PTPRN2: variants seen among roughly 807,000 people sequenced by gnomAD.
The protein encoded by PTPRN2 is protein tyrosine phosphatase receptor type N2, also known as receptor-type tyrosine-protein phosphatase N2.
In PTPRN2, 74 loss-of-function variants were observed where a neutral mutation model predicts 118.8. The observed-to-expected ratio is 0.62, with a 90% CI of 0.52 to 0.76. The LOEUF (loss-of-function observed/expected upper bound fraction) is 0.76, where lower values mean the gene tolerates loss of function less well. Ranked by LOEUF, PTPRN2 falls within the 30% of genes least tolerant of loss-of-function variation. The pLI is 0.00. For missense variants in PTPRN2, 1,481 were observed against 1,394.4 expected (o/e 1.06, Z -0.99); for synonymous variants, 641 against 608.0 (o/e 1.05, Z -0.80).
At chr7:157,930,840 T>G (rs1799311276) in intron 11 of PTPRN2, among the ~76,000 whole-genome samples, 1 of 152,212 alleles carries the variant, frequency 6.6e-6, no homozygotes, top group African/African-American at 2.4e-5. Flanking sequence ...TGTTAAAAAT[T>G]ATTTTTGGCT....
At chr7:157,790,752 A>AT (rs150025481) in intron 12 of PTPRN2, among the ~76,000 whole-genome samples, 2,844 of 152,100 alleles carry the variant, frequency 0.019, 77 homozygotes, top group South Asian at 0.12. Context: ...AACCTAAGCT[A>AT]TTTTTTTTAA....
rs1261623739 is a variant in PTPRN2, at chr7:157,611,055, C to T, written c.2345-6980G>A. The stretch of plus-strand genomic sequence containing the variant: ...TGCCCCACCCACCACTCAGGAGGCA[C>T]GCTGCCCACCGCTGAGCTGAATAAC... On this transcript the variant is annotated intron_variant, in intron 15 of 22. Transcript: ENST00000389418. The surrounding 1 kb of genome is among the most constrained non-coding windows in gnomAD (Gnocchi z 5.9). Among the ~76,000 whole-genome samples, 4 of 152,186 alleles carry T rather than the reference C, an allele frequency of 2.6e-5. 1 individual carries two copies. Among genetic ancestry groups the T allele is most frequent in the Admixed American group, 1.3e-4 (2 of 15,280 alleles).
intron 4 of PTPRN2, among the ~76,000 whole-genome samples, chr7:158,193,905 CA>C (rs56234740): frequency 0.21 from 25,900 of 123,484 alleles, 2,592 homozygotes; most frequent in Non-Finnish European, 0.28. Context: ...GGCTCTGTCT[CA>C]AAAAAAAAAA....
At chr7:158,420,565 G>A (rs1815164550) in intron 2 of PTPRN2, among the ~76,000 whole-genome samples, 1 of 152,304 alleles carries the variant, frequency 6.6e-6, no homozygotes, top group African/African-American at 2.4e-5. Context: ...AAAAAGAGAT[G>A]GCTTGACAAA....
intron 12 of PTPRN2, among the ~76,000 whole-genome samples, chr7:157,843,709 C>T (rs917276742): frequency 6.6e-6 from 1 of 152,254 alleles, no homozygotes; most frequent in Non-Finnish European, 1.5e-5. Flanking sequence ...TGCTTTCTTT[C>T]CAGCGTGCCA....
intron 3 of PTPRN2, among the ~76,000 whole-genome samples, chr7:158,315,871 G>T (rs1382114399): frequency 6.6e-6 from 1 of 152,196 alleles, no homozygotes; most frequent in Non-Finnish European, 1.5e-5. Flanking sequence ...TAACCAAGTG[G>T]ATAGGGTGAC....
chr7:158,448,875 C>T (rs183028577), intron 2 of PTPRN2, among the ~76,000 whole-genome samples: 248 of 152,320 alleles, frequency 1.6e-3, no homozygotes, highest in Non-Finnish European at 2.7e-3. Flanking sequence ...GGTTAGGAGA[C>T]CAGTGGGATG....
In PTPRN2 at chr7:158,316,948, G is replaced by C. The variant is rs780513895; in HGVS notation, c.164-16C>G. Reference sequence around the variant, plus strand: ...AACACTCCATCTGTGAGAAGGGAAGGAGATAAGACAGAACGAGACGTTTCA... The same window carrying C: ...AACACTCCATCTGTGAGAAGGGAAGCAGATAAGACAGAACGAGACGTTTCA... On this transcript the variant is annotated splice_polypyrimidine_tract_variant and intron_variant, in intron 2 of 22. Coordinates refer to ENST00000389418, the MANE Select transcript of PTPRN2 (RefSeq NM_002847.5). 2 of 1,576,334 alleles carry C rather than the reference G, an allele frequency of 1.3e-6. No homozygotes were observed. The highest frequency in any genetic ancestry group is 1.7e-6 in the Non-Finnish European group (2 of 1,153,700).
chr7:157,817,851 T>C (rs1190620149), intron 12 of PTPRN2, among the ~76,000 whole-genome samples: 1 of 152,016 alleles, frequency 6.6e-6, no homozygotes, highest in Non-Finnish European at 1.5e-5. Flanking sequence ...ATGTGTGTGG[T>C]GCGTGTGTGT....
At chr7:158,036,363 G>C (rs1395730705) in intron 11 of PTPRN2, among the ~76,000 whole-genome samples, 1 of 152,160 alleles carries the variant, frequency 6.6e-6, no homozygotes, top group Non-Finnish European at 1.5e-5. Context: ...CAGCACTAAA[G>C]CCAGGTGACT....
At chr7:157,746,762 C>G (rs1241957330) in intron 12 of PTPRN2, among the ~76,000 whole-genome samples, 2 of 152,180 alleles carry the variant, frequency 1.3e-5, no homozygotes, top group Non-Finnish European at 2.9e-5. Flanking sequence ...AGATCTCTTC[C>G]GTTCAGCTGC....
At chr7:157,608,142 A>G (rs1013299238) in intron 15 of PTPRN2, among the ~76,000 whole-genome samples, 2 of 152,112 alleles carry the variant, frequency 1.3e-5, no homozygotes, top group African/African-American at 4.8e-5. Context: ...ATATTGGATC[A>G]CTGCAACCTC....
chr7:158,256,399 G>A (rs959343957), intron 3 of PTPRN2, among the ~76,000 whole-genome samples: 1 of 152,232 alleles, frequency 6.6e-6, no homozygotes, highest in Non-Finnish European at 1.5e-5. Flanking sequence ...CACCCTTGGA[G>A]CAAGGTCACC....
At chr7:157,602,834 A>G (rs888982066) in intron 16 of PTPRN2, among the ~76,000 whole-genome samples, 2 of 152,236 alleles carry the variant, frequency 1.3e-5, no homozygotes, top group Non-Finnish European at 2.9e-5. Flanking sequence ...AAAGCTCCCT[A>G]TGGACGAGCA....
At position 158,525,213 on chromosome 7, in the gene PTPRN2, G is replaced by A. The variant is rs140450686; in HGVS notation, c.113-35428C>T. On this transcript the variant is annotated intron_variant, in intron 1 of 22. Transcript: ENST00000389418. The surrounding 1 kb of genome is among the most constrained non-coding windows in gnomAD (Gnocchi z 4.1). ...GCGTGAGGCAGGCCCTGACCGCTCT[G>A]GAAGGAAAAGCACCTCTGGCAAGTA... Among the ~76,000 whole-genome samples the A allele has an allele frequency of 2.2e-3, 330 of 152,262 alleles. No homozygotes were observed. The highest frequency in any genetic ancestry group is 7.5e-3 in the African/African-American group (311 of 41,548).
At chr7:157,660,984 C>T (rs1475243162) in intron 13 of PTPRN2, among the ~76,000 whole-genome samples, 1 of 152,236 alleles carries the variant, frequency 6.6e-6, no homozygotes, top group Non-Finnish European at 1.5e-5. Flanking sequence ...GAACTCCTGA[C>T]CTTAGGTGAT....
At chr7:158,078,900 T>G (rs1482283852) in intron 11 of PTPRN2, among the ~76,000 whole-genome samples, 2 of 152,108 alleles carry the variant, frequency 1.3e-5, no homozygotes, top group Admixed American at 1.3e-4. Flanking sequence ...CAGGCTGGAG[T>G]CCAGTGATGC....
chr7:157,806,889 C>T (rs1563129586), intron 12 of PTPRN2, among the ~76,000 whole-genome samples: 2 of 152,264 alleles, frequency 1.3e-5, no homozygotes, highest in South Asian at 2.1e-4. Context: ...TGCACAGCCT[C>T]TATCCCATCA....
rs940619872 is a variant in PTPRN2 at position 157,615,405 on chromosome 7, G to A, written c.2344+5957C>T. 1.1e-5 allele frequency: 5 copies of A among 470,644 alleles called. No individual in the cohort carries two copies. Among genetic ancestry groups the A allele is most frequent in the Non-Finnish European group, 2.2e-5 (5 of 226,802 alleles). 29.2% of individuals were successfully genotyped at this position (470,644 alleles called of 1,614,324 possible). A position where few individuals can be genotyped will look rare whatever the true frequency, so the allele number is the denominator to read the frequency against. On this transcript the variant is annotated intron_variant, in intron 15 of 22. Coordinates refer to ENST00000389418, the MANE Select transcript of PTPRN2 (RefSeq NM_002847.5). The surrounding 1 kb of genome is among the most constrained non-coding windows in gnomAD (Gnocchi z 4.3). ...CTCCTTCAGCCCCAGCTCTGTCCCTGTGTGAATCTCAGGGCTGTTTCGAGG... is the reference window on the plus strand; with the variant it reads ...CTCCTTCAGCCCCAGCTCTGTCCCTATGTGAATCTCAGGGCTGTTTCGAGG...
Sources: gnomAD v4.1 joint callset for allele counts (sites outside exome capture counted in the v4.1 genomes callset) on GRCh38, gnomAD v4.1.1 for gene constraint, Gnocchi (gnomAD v3.1) non-coding constraint, MANE v1.5 for transcripts, NCBI Gene and HGNC (gene_info 2026-07-23, HGNC 2026-07-21) for gene names.